The following TTC17 variants were observed in gnomAD, a reference collection of about 807,000 sequenced individuals.
TTC17 encodes the protein tetratricopeptide repeat domain 17.
In TTC17, 58 loss-of-function variants were observed where a neutral mutation model predicts 143.8. The observed-to-expected ratio is 0.40, with a 90% CI of 0.33 to 0.50. The LOEUF (loss-of-function observed/expected upper bound fraction) is 0.50, where lower values mean the gene tolerates loss of function less well. Among genes scored for constraint, TTC17 ranks in the 20% least tolerant of loss-of-function variants. The pLI is 0.49. For synonymous variants in TTC17, 501 were observed against 497.8 expected (o/e 1.01, Z -0.09); for missense variants, 1,273 against 1,392.5 (o/e 0.91, Z 1.37).
At chr11:43,462,974 G>A (rs1429236506) in intron 21 of TTC17, among the ~76,000 whole-genome samples, 2 of 137,494 alleles carry the variant, frequency 1.5e-5, no homozygotes, top group East Asian at 1.9e-4. Context: ...GAAGTGCAGT[G>A]GTGCTATCTT....
chr11:43,444,168 T>G lies in TTC17; in HGVS notation c.2624T>G (p.Leu875Arg), dbSNP rs1947487437. ...AATGGACATCGTTACCAAGCAAACC[T>G]AGAGATCACTGGCCCCAAGGTGGCA... Reference protein sequence around the residue: ...IENGHRYQANLEITGPKVASP... With the variant: ...IENGHRYQANREITGPKVASP... Residue 875 changes from leucine (L) to arginine (R), a missense_variant, in exon 18 of 24, where the codon CTA (leucine) becomes CGA (arginine). This residue lies in a region of TTC17 where 878 missense variants were observed against 899.8 expected (regional missense o/e 0.98). Transcript: ENST00000039989. 1 of 1,612,776 alleles carries G rather than the reference T, an allele frequency of 6.2e-7. No individual in the cohort carries two copies. Among genetic ancestry groups the G allele is most frequent in the East Asian group, 2.2e-5 (1 of 44,836 alleles).
intron 1 of TTC17, among the ~76,000 whole-genome samples, chr11:43,370,558 A>C (rs980356548): frequency 5.3e-5 from 8 of 152,150 alleles, no homozygotes; most frequent in Admixed American, 4.6e-4. Context: ...GGAAAAAAAA[A>C]AAAAGATAAA....
chr11:43,409,393 A>G (rs1858298179), intron 15 of TTC17, among the ~76,000 whole-genome samples: 1 of 152,202 alleles, frequency 6.6e-6, no homozygotes, highest in African/African-American at 2.4e-5. Flanking sequence ...ATACCAAACA[A>G]CCCACTAAAA....
At chr11:43,403,382 T>C (rs968116365) in intron 10 of TTC17, among the ~76,000 whole-genome samples, 5 of 152,154 alleles carry the variant, frequency 3.3e-5, no homozygotes, top group African/African-American at 9.7e-5. Flanking sequence ...CCATCCCCAG[T>C]CCCATTCTCA....
chr11:43,476,521 C>T (rs1021002674), intron 21 of TTC17, among the ~76,000 whole-genome samples: 5 of 152,234 alleles, frequency 3.3e-5, no homozygotes, highest in Admixed American at 6.5e-5. Flanking sequence ...CTTCTGAAAT[C>T]TAGGTGGAGG....
intron 18 of TTC17, chr11:43,447,622 C>G: frequency 5.9e-6 from 1 of 168,964 alleles, no homozygotes; most frequent in Non-Finnish European, 1.3e-5. Flanking sequence ...TTGAGAAACC[C>G]TGCTTTAGAG....
At chr11:43,379,379 A>G (rs1346145416) in intron 2 of TTC17, 57 bp downstream of exon 2, 8 of 1,474,616 alleles carry the variant, frequency 5.4e-6, no homozygotes, top group Non-Finnish European at 1.9e-6. Context: ...CACAGGAGCC[A>G]TTGTGTTCAA....
intron 16 of TTC17, among the ~76,000 whole-genome samples, chr11:43,425,368 A>G (rs906487139): frequency 6.6e-6 from 1 of 152,108 alleles, no homozygotes; most frequent in Non-Finnish European, 1.5e-5. Context: ...AAAATACACA[A>G]CCTATTCTAC....
At chr11:43,403,870 A>G (rs1289463701) in intron 10 of TTC17, 128 bp from the exon 11 acceptor site, 1 of 730,014 alleles carries the variant, frequency 1.4e-6, no homozygotes, top group East Asian at 2.8e-5. Context: ...CAATTGCTTT[A>G]TTACTGAGCT....
intron 2 of TTC17, among the ~76,000 whole-genome samples, chr11:43,387,851 C>A (rs141607464): frequency 5.3e-5 from 8 of 152,268 alleles, no homozygotes; most frequent in African/African-American, 1.9e-4. Context: ...GTAATACAGT[C>A]CATCACAATA....
chr11:43,391,002 A>G (rs1291693897), intron 3 of TTC17, among the ~76,000 whole-genome samples: 1 of 152,166 alleles, frequency 6.6e-6, no homozygotes, highest in Non-Finnish European at 1.5e-5. Flanking sequence ...AACTCCCAAA[A>G]TGTTTGACTC....
intron 16 of TTC17, among the ~76,000 whole-genome samples, chr11:43,423,017 C>G (rs1395808479): frequency 2.6e-5 from 4 of 152,106 alleles, no homozygotes; most frequent in African/African-American, 9.7e-5. Flanking sequence ...CTTGAGTAGA[C>G]AGGAGGGGAT....
At chr11:43,457,851 G>A (rs1207995161) in intron 21 of TTC17, among the ~76,000 whole-genome samples, 1 of 151,970 alleles carries the variant, frequency 6.6e-6, no homozygotes, top group Non-Finnish European at 1.5e-5. Flanking sequence ...CATATAATTA[G>A]GGTCTGGGAG....
intron 1 of TTC17, among the ~76,000 whole-genome samples, chr11:43,368,980 G>A (rs1446031389): frequency 6.6e-6 from 1 of 152,166 alleles, no homozygotes; most frequent in Non-Finnish European, 1.5e-5. Flanking sequence ...TTCCTCTGCA[G>A]ATGGCATCAC....
At chr11:43,375,773 A>G (rs927457788) in intron 1 of TTC17, among the ~76,000 whole-genome samples, 42 of 152,316 alleles carry the variant, frequency 2.8e-4, no homozygotes, top group African/African-American at 1.0e-3. Flanking sequence ...GATTGACTCA[A>G]ACTTGTTTTT....
chr11:43,456,328 T>A (rs1190738056), intron 21 of TTC17, among the ~76,000 whole-genome samples: 2 of 152,130 alleles, frequency 1.3e-5, no homozygotes, highest in African/African-American at 4.8e-5. Context: ...TGAGTTTGAA[T>A]GTATTAATAT....
At chr11:43,485,157 C>T (rs899618055) in intron 21 of TTC17, among the ~76,000 whole-genome samples, 33 of 152,110 alleles carry the variant, frequency 2.2e-4, no homozygotes, top group Non-Finnish European at 5.9e-5. Flanking sequence ...CCTACCCCAT[C>T]CATGGTAAAT....
chr11:43,418,666 A>C (rs1429765644), intron 16 of TTC17, among the ~76,000 whole-genome samples: 2 of 151,234 alleles, frequency 1.3e-5, no homozygotes, highest in Admixed American at 6.6e-5. Flanking sequence ...GCCTTTTTTT[A>C]TTGGAAAAAA....
rs1177669255 is a variant in TTC17 at position 43,448,131 on chromosome 11, G to C, written c.2786+9G>C. 3 of 1,613,632 alleles carry C rather than the reference G, an allele frequency of 1.9e-6. No individual in the cohort carries two copies. Among genetic ancestry groups the C allele is most frequent in the Non-Finnish European group, 8.5e-7 (1 of 1,179,818 alleles). ...TCTTCAAAAAACATTGAGTAAGTAT[G>C]TTAAGCCTCTCCCTCCTTTATGGCA... On this transcript the variant is annotated intron_variant, in intron 19 of 23. Transcript: ENST00000039989.
Sources: allele counts gnomAD v4.1 joint callset (sites outside exome capture counted in the v4.1 genomes callset), GRCh38; gene constraint gnomAD v4.1.1; regional missense constraint gnomAD v4.1.1; transcripts MANE v1.5; gene names NCBI Gene and HGNC (gene_info 2026-07-23, HGNC 2026-07-21).